The following TARBP1 variants were observed in gnomAD, a reference collection of about 807,000 sequenced individuals.
TARBP1 encodes tRNA guanosine 2 -O-methyltransferase TARBP1.
TARBP1 carries 144 observed loss-of-function variants against 178.6 expected under a neutral mutation model. That is an observed-to-expected ratio of 0.81 (90% CI 0.70 to 0.93). TARBP1 has a LOEUF of 0.93. Ranked by LOEUF, TARBP1 falls within the 40% of genes least tolerant of loss-of-function variation. TARBP1 has a pLI of 0.00. For missense variants in TARBP1, 2,067 were observed against 2,011.7 expected (o/e 1.03, Z -0.53); for synonymous variants, 787 against 781.0 (o/e 1.01, Z -0.13).
At chr1:234,464,396 T>C (rs1358002053) in intron 5 of TARBP1, among the ~76,000 whole-genome samples, 1 of 152,248 alleles carries the variant, frequency 6.6e-6, no homozygotes, top group East Asian at 1.9e-4. Context: ...TAACATCTAC[T>C]AAAGTCACAT....
chr1:234,462,965 C>T (rs1457743783), intron 6 of TARBP1, among the ~76,000 whole-genome samples: 4 of 152,148 alleles, frequency 2.6e-5, no homozygotes, highest in Non-Finnish European at 4.4e-5. Context: ...AACACAAGGA[C>T]TCACAAAGCA....
At chr1:234,461,905 T>C (rs1024467155) in intron 6 of TARBP1, among the ~76,000 whole-genome samples, 1 of 152,230 alleles carries the variant, frequency 6.6e-6, no homozygotes, top group African/African-American at 2.4e-5. Context: ...AGAATGACTT[T>C]CAAGAAATCC....
intron 22 of TARBP1, among the ~76,000 whole-genome samples, chr1:234,417,759 G>A (rs866389682): frequency 1.3e-5 from 2 of 151,958 alleles, no homozygotes; most frequent in South Asian, 4.1e-4. Flanking sequence ...ATTCCTCATC[G>A]TTCATATTTC....
chr1:234,437,183 C>A, intron 13 of TARBP1, 92 bp downstream of exon 13: 1 of 668,136 alleles, frequency 1.5e-6, no homozygotes, highest in South Asian at 3.9e-5. Flanking sequence ...ATTAATTTTT[C>A]TTTTCAATTT....
At chr1:234,444,217 G>A (rs1296394697) in intron 12 of TARBP1, among the ~76,000 whole-genome samples, 3 of 137,710 alleles carry the variant, frequency 2.2e-5, no homozygotes, top group African/African-American at 8.1e-5. Flanking sequence ...CAAAAAAAGC[G>A]AGACTCAGCA....
chr1:234,398,848 A>G (rs189379623), intron 25 of TARBP1, among the ~76,000 whole-genome samples: 96 of 152,318 alleles, frequency 6.3e-4, no homozygotes, highest in South Asian at 2.9e-3. Flanking sequence ...TTCAGAAGTA[A>G]TCAGTTCTAA....
At chr1:234,393,100 A>G (rs1203456342) in intron 28 of TARBP1, among the ~76,000 whole-genome samples, 1 of 152,180 alleles carries the variant, frequency 6.6e-6, no homozygotes, top group Non-Finnish European at 1.5e-5. Flanking sequence ...AGAATTCTAC[A>G]TTATTGATGA....
intron 26 of TARBP1, among the ~76,000 whole-genome samples, chr1:234,394,915 C>T (rs1325074692): frequency 2.6e-5 from 4 of 151,648 alleles, no homozygotes; most frequent in African/African-American, 9.7e-5. Flanking sequence ...CATGGTGAAA[C>T]CCCGACTCTA....
chr1:234,394,289 A>G (rs906494148), intron 26 of TARBP1, among the ~76,000 whole-genome samples: 12 of 152,250 alleles, frequency 7.9e-5, no homozygotes, highest in African/African-American at 2.2e-4. Context: ...AATAATTTTA[A>G]AAGTGCTGGA....
Position 234,437,331 on chromosome 1 carries a change from T to C in TARBP1, c.2176A>G (p.Thr726Ala), listed in dbSNP as rs745979022. 5.6e-6 allele frequency: 9 copies of C among 1,597,574 alleles called. No homozygotes were observed. The highest frequency in any genetic ancestry group is 2.2e-5 in the East Asian group (1 of 44,516). ...TVLQNFFMSTTESISEFILRR... is the reference protein window; with the variant it reads ...TVLQNFFMSTAESISEFILRR... ...AGAATAAATTCAGAAATGCTCTCTG[T>C]AGTAGACATGAAAAAGTTCTGAAGA... The change falls in exon 13 of 30, where the codon ACA (threonine) becomes GCA (alanine). Residue 726 changes from threonine (T) to alanine (A), a missense_variant. Thr to Ala is a moderately conservative substitution (Grantham distance 58). Transcript: ENST00000040877.
intron 6 of TARBP1, among the ~76,000 whole-genome samples, chr1:234,462,560 A>G (rs1008243254): frequency 1.3e-5 from 2 of 152,000 alleles, no homozygotes; most frequent in Admixed American, 1.3e-4. Context: ...GTGGTGGCGC[A>G]TGCCTGTAGT....
At chr1:234,462,045 T>C (rs1397716037) in intron 6 of TARBP1, among the ~76,000 whole-genome samples, 1 of 152,240 alleles carries the variant, frequency 6.6e-6, no homozygotes, top group Non-Finnish European at 1.5e-5. Context: ...TAACTGTGAA[T>C]GAATGTTTTA....
At chr1:234,453,738 G>T (rs1558232266) in intron 9 of TARBP1, among the ~76,000 whole-genome samples, 1 of 152,004 alleles carries the variant, frequency 6.6e-6, no homozygotes, top group East Asian at 1.9e-4. Flanking sequence ...ATACATACAT[G>T]TAAGTGCTTT....
At chr1:234,463,567 C>T (rs1203872977) in intron 6 of TARBP1, among the ~76,000 whole-genome samples, 1 of 152,090 alleles carries the variant, frequency 6.6e-6, no homozygotes, top group African/African-American at 2.4e-5. Context: ...GAATAGTAGA[C>T]AATTAGAAAC....
At chr1:234,464,854 G>C (rs1331095131) in intron 5 of TARBP1, among the ~76,000 whole-genome samples, 2 of 152,116 alleles carry the variant, frequency 1.3e-5, no homozygotes, top group African/African-American at 4.8e-5. Flanking sequence ...CATAAATGAT[G>C]CTCAAAAAAA....
intron 12 of TARBP1, among the ~76,000 whole-genome samples, chr1:234,438,411 G>C (rs1665253473): frequency 6.6e-6 from 1 of 152,050 alleles, no homozygotes; most frequent in African/African-American, 2.4e-5. Flanking sequence ...CAATCTTGAA[G>C]GAAATGGAAA....
At chr1:234,410,680 C>T (rs1470653012) in intron 22 of TARBP1, 149 bp from the exon 23 acceptor site, 7 of 557,270 alleles carry the variant, frequency 1.3e-5, no homozygotes, top group South Asian at 2.1e-5. Flanking sequence ...AAGGGGGCTG[C>T]GGCAACAGGC....
At chr1:234,408,242 A>T (rs1267437075) in intron 23 of TARBP1, among the ~76,000 whole-genome samples, 1 of 150,808 alleles carries the variant, frequency 6.6e-6, no homozygotes, top group Non-Finnish European at 1.5e-5. Flanking sequence ...TCGTGCTCTG[A>T]TTCTGAAACC....
At chr1:234,471,093 G>C (rs1669007381) in intron 3 of TARBP1, 95 bp downstream of exon 3, 4 of 940,876 alleles carry the variant, frequency 4.3e-6, no homozygotes, top group Admixed American at 5.5e-5. Context: ...CACTTTTATA[G>C]TTTTTCAAAA....
Sources: gnomAD v4.1 joint callset for allele counts (sites outside exome capture counted in the v4.1 genomes callset) on GRCh38, gnomAD v4.1.1 for gene constraint, MANE v1.5 for transcripts, NCBI Gene and HGNC (gene_info 2026-07-23, HGNC 2026-07-21) for gene names.